TAB2: variants seen among roughly 807,000 people sequenced by gnomAD.
TAB2 encodes TGF-beta activated kinase 1 (MAP3K7) binding protein 2, also known as TGF-beta-activated kinase 1 and MAP3K7-binding protein 2.
Under a neutral mutation model 65.0 loss-of-function variants are expected in TAB2, and 3 were observed. That is an observed-to-expected ratio of 0.05 (90% confidence interval 0.02 to 0.12). The LOEUF (loss-of-function observed/expected upper bound fraction) is 0.12. Among genes scored for constraint, TAB2 ranks in the 10% least tolerant of loss-of-function variants. The pLI is 1.00. For missense variants in TAB2, 623 were observed against 840.3 expected (o/e 0.74, Z 3.20); for synonymous variants, 298 against 285.1 (o/e 1.05, Z -0.46).
intron 1 of TAB2, among the ~76,000 whole-genome samples, chr6:149,327,364 G>A (rs1395757722): frequency 1.3e-5 from 2 of 152,108 alleles, no homozygotes; most frequent in Admixed American, 6.5e-5. Context: ...TGGGGGTTTC[G>A]TTATGTTGCC....
In TAB2 at chr6:149,411,016, A is replaced by G. The variant is rs904083160; in HGVS notation, c.*1297A>G. On this transcript the variant is annotated 3_prime_UTR_variant, in exon 7 of 7. Transcript: ENST00000637181. ...TTTAGGACAACTGAAGAAAAGCTGGAAAAAAAAACAAGCAAACTTGAACAC... is the reference window on the plus strand; with the variant it reads ...TTTAGGACAACTGAAGAAAAGCTGGGAAAAAAAACAAGCAAACTTGAACAC... 1 of 151,968 alleles carries G rather than the reference A, an allele frequency of 6.6e-6. No homozygotes were observed. The highest frequency in any genetic ancestry group is 2.4e-5 in the African/African-American group (1 of 41,216). The allele number at this position is 151,968 out of a possible 1,614,324, so 9.4% of individuals were successfully genotyped here.
At chr6:149,367,694 C>T (rs1781085822) in intron 1 of TAB2, among the ~76,000 whole-genome samples, 1 of 152,068 alleles carries the variant, frequency 6.6e-6, no homozygotes, top group African/African-American at 2.4e-5. Context: ...ATGATGGTGG[C>T]TTGGACAAGA....
intron 2 of TAB2, among the ~76,000 whole-genome samples, chr6:149,376,826 T>C (rs943290962): frequency 2.0e-5 from 3 of 152,150 alleles, no homozygotes; most frequent in African/African-American, 7.2e-5. Context: ...TTTTCGTGGA[T>C]GATTTATGAC....
intron 1 of TAB2, among the ~76,000 whole-genome samples, chr6:149,284,503 G>A (rs559302802): frequency 1.3e-4 from 20 of 152,050 alleles, no homozygotes; most frequent in Admixed American, 3.9e-4. Flanking sequence ...TGCCTATCAC[G>A]AGCACATATT....
intron 1 of TAB2, among the ~76,000 whole-genome samples, chr6:149,237,640 C>T (rs555229810): frequency 2.0e-5 from 3 of 152,326 alleles, no homozygotes; most frequent in East Asian, 1.9e-4. Context: ...GTCCTCTAGG[C>T]GGCCTCACCT....
chr6:149,357,298 C>G (rs9498330), intron 1 of TAB2, among the ~76,000 whole-genome samples: 35,554 of 151,558 alleles, frequency 0.23, 4,378 homozygotes, highest in Non-Finnish European at 0.26. Context: ...CACCTGTAGT[C>G]CCAACTGCTC....
At chr6:149,317,424 G>A, upstream of TAB2, 2 of 170,352 alleles carry the variant, frequency 1.2e-5, no homozygotes, top group Non-Finnish European at 2.4e-5. The surrounding 1 kb of genome is among the most constrained non-coding windows in gnomAD (Gnocchi z 4.7). Context: ...CGCAGCCGCC[G>A]CCGCCGCCGC....
intron 1 of TAB2, among the ~76,000 whole-genome samples, chr6:149,274,305 T>G (rs1468296737): frequency 6.6e-6 from 1 of 152,264 alleles, no homozygotes; most frequent in Non-Finnish European, 1.5e-5. Context: ...GCACTTGCTC[T>G]CAGTAACGGA....
At chr6:149,363,820 A>G (rs146480374) in intron 1 of TAB2, among the ~76,000 whole-genome samples, 14 of 152,244 alleles carry the variant, frequency 9.2e-5, no homozygotes, top group South Asian at 2.1e-4. Flanking sequence ...AACTCCCTGT[A>G]TGATATCTCT....
In TAB2 at chr6:149,378,728, A is replaced by G. The variant is rs750487045; in HGVS notation, c.813A>G (p.Gln271=). The G allele has an allele frequency of 6.2e-7, 1 of 1,613,916 alleles. No homozygotes were observed. Among genetic ancestry groups the G allele is most frequent in the African/African-American group, 1.3e-5 (1 of 74,936 alleles). ...ATCCTCTGTCACATACCTCATCTCA[A>G]CAGCCAAATCAGCAAGGCCACCAGA... ...ASNPLSHTSS[Q]QPNQQGHQTS... Residue 271 remains glutamine (Q), a synonymous_variant, in exon 3 of 7, where the codon CAA becomes CAG. Coordinates refer to ENST00000637181, the MANE Select transcript of TAB2 (RefSeq NM_001292034.3).
At chr6:149,335,650 A>G (rs980351213) in intron 1 of TAB2, among the ~76,000 whole-genome samples, 2 of 152,174 alleles carry the variant, frequency 1.3e-5, no homozygotes, top group African/African-American at 2.4e-5. Context: ...CTGCGATTAC[A>G]GGTATGAGCC....
chr6:149,258,258 C>T (rs1238716211), intron 1 of TAB2, among the ~76,000 whole-genome samples: 2 of 152,136 alleles, frequency 1.3e-5, no homozygotes, highest in Non-Finnish European at 2.9e-5. Context: ...GAAAATAAAA[C>T]CCTGACTTAC....
At chr6:149,376,101 TTATTTG>T (rs1781387564) in intron 2 of TAB2, among the ~76,000 whole-genome samples, 1 of 152,222 alleles carries the variant, frequency 6.6e-6, no homozygotes, top group Admixed American at 6.5e-5. Context: ...TCTTCCAGGC[TTATTTG>T]AATTGTTTCT....
chr6:149,405,340 AT>A (rs1392788980), intron 6 of TAB2, among the ~76,000 whole-genome samples: 1 of 152,248 alleles, frequency 6.6e-6, no homozygotes, highest in Non-Finnish European at 1.5e-5. Context: ...TGCAGCTATT[AT>A]GAAAAACAGC....
intron 1 of TAB2, among the ~76,000 whole-genome samples, chr6:149,273,539 T>A (rs1361223938): frequency 6.6e-6 from 1 of 151,986 alleles, no homozygotes; most frequent in African/African-American, 2.4e-5. Flanking sequence ...TGGACCAGAG[T>A]GGGCCAGAGC....
chr6:149,300,525 G>C (rs1293843399), intron 1 of TAB2, among the ~76,000 whole-genome samples: 1 of 152,070 alleles, frequency 6.6e-6, no homozygotes, highest in African/African-American at 2.4e-5. Flanking sequence ...ATTCAATATT[G>C]GACTGAAAAT....
At chr6:149,337,007 G>A (rs2114767606) in intron 1 of TAB2, among the ~76,000 whole-genome samples, 1 of 151,930 alleles carries the variant, frequency 6.6e-6, no homozygotes, top group East Asian at 1.9e-4. Flanking sequence ...TTAAGCGGCA[G>A]ACTACAGTAA....
intron 1 of TAB2, among the ~76,000 whole-genome samples, chr6:149,254,696 A>G (rs1777969312): frequency 6.6e-6 from 1 of 152,180 alleles, no homozygotes; most frequent in South Asian, 2.1e-4. Flanking sequence ...TCTACTTTAA[A>G]CTGGACGAGA....
intron 1 of TAB2, among the ~76,000 whole-genome samples, chr6:149,228,601 G>T (rs1408308846): frequency 6.6e-6 from 1 of 152,216 alleles, no homozygotes; most frequent in Non-Finnish European, 1.5e-5. Flanking sequence ...TGTTATATTT[G>T]CAGAATAAGC....
Sources: gnomAD v4.1 joint callset for allele counts (sites outside exome capture counted in the v4.1 genomes callset) on GRCh38, gnomAD v4.1.1 for gene constraint, Gnocchi (gnomAD v3.1) non-coding constraint, MANE v1.5 for transcripts, NCBI Gene and HGNC (gene_info 2026-07-23, HGNC 2026-07-21) for gene names.